Variants in NDRG3 observed in about 807,000 individuals in gnomAD.
NDRG3 encodes protein NDRG3.
NDRG3 carries 23 observed loss-of-function variants against 57.2 expected under a neutral mutation model. That is an observed-to-expected ratio of 0.40 (90% confidence interval 0.29 to 0.57). NDRG3 has a LOEUF of 0.57. Ranked by LOEUF, NDRG3 falls within the 20% of genes least tolerant of loss-of-function variation. The probability of loss-of-function intolerance (pLI) is 0.42; values close to 1 mark genes in which losing one functional copy is unlikely to be tolerated. For synonymous variants in NDRG3, 132 were observed against 162.6 expected (o/e 0.81, Z 1.43); for missense variants, 384 against 457.3 (o/e 0.84, Z 1.46).
intron 3 of NDRG3, among the ~76,000 whole-genome samples, chr20:36,706,390 T>C (rs1331864361): frequency 3.3e-5 from 5 of 152,234 alleles, no homozygotes; most frequent in Middle Eastern, 3.4e-3. Flanking sequence ...GTTTCCAATA[T>C]CATGTGAGGA....
At chr20:36,723,666 G>GTGTA (rs1984740568) in intron 1 of NDRG3, among the ~76,000 whole-genome samples, 1 of 149,410 alleles carries the variant, frequency 6.7e-6, no homozygotes, top group South Asian at 2.2e-4. Flanking sequence ...TCTAGTGTGT[G>GTGTA]TGTGTGTGTG....
At chr20:36,689,688 G>A (rs1285506411) in intron 3 of NDRG3, among the ~76,000 whole-genome samples, 1 of 151,414 alleles carries the variant, frequency 6.6e-6, no homozygotes, top group Non-Finnish European at 1.5e-5. Context: ...GCCCAGGCTG[G>A]GTCAGCACCT....
intron 1 of NDRG3, among the ~76,000 whole-genome samples, chr20:36,738,880 T>C (rs545352547): frequency 1.1e-4 from 17 of 148,638 alleles, no homozygotes; most frequent in Non-Finnish European, 1.9e-4. Flanking sequence ...TCCCAGCACT[T>C]TGGGAGGCCG....
intron 1 of NDRG3, among the ~76,000 whole-genome samples, chr20:36,731,164 T>C (rs1985264549): frequency 6.6e-6 from 1 of 152,046 alleles, no homozygotes; most frequent in Admixed American, 6.6e-5. Flanking sequence ...ATGAGTGAGG[T>C]AAGCCTCCAA....
intron 3 of NDRG3, among the ~76,000 whole-genome samples, chr20:36,704,530 G>A (rs1983434318): frequency 6.6e-6 from 1 of 151,830 alleles, no homozygotes; most frequent in African/African-American, 2.4e-5. Flanking sequence ...TTTCCTTCTT[G>A]GTAAATTATA....
At chr20:36,681,280 G>A (rs545982992) in intron 7 of NDRG3, among the ~76,000 whole-genome samples, 1 of 151,884 alleles carries the variant, frequency 6.6e-6, no homozygotes, top group South Asian at 2.1e-4. Flanking sequence ...GAAACCATCT[G>A]AACAGTCTGT....
intron 3 of NDRG3, among the ~76,000 whole-genome samples, chr20:36,703,616 T>A (rs949010974): frequency 8.5e-5 from 13 of 152,168 alleles, no homozygotes; most frequent in African/African-American, 3.1e-4. Flanking sequence ...GCTAATTTTT[T>A]ATTTTTTAAT....
At chr20:36,659,034 G>A (rs964735598) in intron 13 of NDRG3, among the ~76,000 whole-genome samples, 6 of 148,860 alleles carry the variant, frequency 4.0e-5, no homozygotes, top group African/African-American at 7.5e-5. Context: ...ACAAATCCTC[G>A]AATTCCTGGG....
intron 9 of NDRG3, among the ~76,000 whole-genome samples, chr20:36,669,086 C>T (rs1214483914): frequency 1.3e-5 from 2 of 150,180 alleles, no homozygotes; most frequent in African/African-American, 2.5e-5. Flanking sequence ...GACAGAGTTT[C>T]GCTCTTGTTG....
intron 4 of NDRG3, 80 bp downstream of exon 4, chr20:36,688,599 T>C (rs1218035571): frequency 3.8e-6 from 4 of 1,054,476 alleles, no homozygotes; most frequent in African/African-American, 3.1e-5. Flanking sequence ...TCTGCTCTAT[T>C]AGAATATTGT....
At chr20:36,669,742 C>T (rs1216646622) in intron 9 of NDRG3, among the ~76,000 whole-genome samples, 2 of 151,934 alleles carry the variant, frequency 1.3e-5, no homozygotes, top group African/African-American at 4.8e-5. Flanking sequence ...GGACTACAGG[C>T]ATACACCACC....
chr20:36,665,268 C>T lies in NDRG3; in HGVS notation c.726G>A (p.Leu242=). ...TTTTTGATTTGTTATCATTTTGGCC[C>T]AGTATGGGTCTTTCGATCTCCAGGT... ...RRDLEIERPI[L]GQNDNKSKTL... The change falls in exon 11 of 16, where the codon CTG becomes CTA. Residue 242 remains leucine (L), a synonymous_variant. Transcript: ENST00000349004. 6.2e-7 allele frequency: 1 copy of T among 1,614,158 alleles called. No individual in the cohort carries two copies. The highest frequency in any genetic ancestry group is 8.5e-7 in the Non-Finnish European group (1 of 1,180,014).
rs575813448 is a variant in NDRG3, at chr20:36,693,141, T to TACAC, written c.94-4361_94-4358dup. On this transcript the variant is annotated intron_variant, in intron 3 of 15. Coordinates refer to ENST00000349004, the MANE Select transcript of NDRG3 (RefSeq NM_032013.4). ...ATATATATATATATATATATATATATACACACACACACATATACACATATA... is the reference window on the plus strand; with the variant it reads ...ATATATATATATATATATATATATATACACACACACACACACATATACACATATA... Among the ~76,000 whole-genome samples the TACAC allele has an allele frequency of 4.5e-3, 156 of 34,602 alleles. 1 individual carries two copies. Among genetic ancestry groups the TACAC allele is most frequent in the African/African-American group, 0.014 (146 of 10,746 alleles). The allele number at this position is 34,602 out of a possible 152,430, so 22.7% of individuals were successfully genotyped here.
At chr20:36,711,116 T>TAAAA (rs577163182) in intron 2 of NDRG3, among the ~76,000 whole-genome samples, 1 of 113,640 alleles carries the variant, frequency 8.8e-6, no homozygotes, top group East Asian at 2.5e-4. Flanking sequence ...CCATCTCTAC[T>TAAAA]AAAAAAAAAA....
rs911394550 is a variant in NDRG3, at chr20:36,660,196, G to C, written c.858+141C>G. On this transcript the variant is annotated intron_variant, in intron 13 of 15. Transcript: ENST00000349004. ...GCACTCCAGCCAGGGCAACACAGCG[G>C]GACTCTGTCTCAAAGAAAAAGAAGA... The C allele has an allele frequency of 6.6e-6, 4 of 609,418 alleles. No homozygotes were observed. In the African/African-American group the frequency reaches 7.7e-5, roughly 12 times the overall value. The allele number at this position is 609,418 out of a possible 1,614,324, so 37.8% of individuals were successfully genotyped here. A position where few individuals can be genotyped will look rare whatever the true frequency, so the allele number is the denominator to read the frequency against.
chr20:36,656,289 G>T, intron 15 of NDRG3, 71 bp downstream of exon 15: 3 of 1,462,692 alleles, frequency 2.1e-6, no homozygotes, highest in Non-Finnish European at 2.8e-6. Context: ...AAGAATTGTG[G>T]GCTCCCAGAT....
At position 36,717,535 on chromosome 20, in the gene NDRG3, G is replaced by A. The variant is rs150317641; in HGVS notation, c.57+4144C>T. Among the ~76,000 whole-genome samples, 660 of 152,318 alleles carry A rather than the reference G, an allele frequency of 4.3e-3. 7 individuals carry two copies. Among genetic ancestry groups the A allele is most frequent in the African/African-American group, 0.015 (626 of 41,566 alleles). The stretch of plus-strand genomic sequence containing the variant: ...GAAACAGCTCAGGTTTTAAGAGTAG[G>A]AAAGACTTTGGTTTCTGTCTGGCTT... On this transcript the variant is annotated intron_variant, in intron 2 of 15. Coordinates refer to ENST00000349004, the MANE Select transcript of NDRG3 (RefSeq NM_032013.4).
chr20:36,666,734 T>C (rs185665447), intron 9 of NDRG3, among the ~76,000 whole-genome samples: 543 of 152,312 alleles, frequency 3.6e-3, no homozygotes, highest in Non-Finnish European at 4.8e-3. Flanking sequence ...TATTGTAAAA[T>C]GAAGACAATA....
intron 1 of NDRG3, among the ~76,000 whole-genome samples, chr20:36,733,163 AAAAAAAAAATATATATATATATAT>A (rs1310499881): frequency 1.8e-3 from 80 of 45,510 alleles, no homozygotes; most frequent in South Asian, 5.1e-3. Context: ...AAAAAAAAAA[AAAAAAAAAATATATATATATATAT>A]ATATATATAT....
Sources: allele counts gnomAD v4.1 joint callset (sites outside exome capture counted in the v4.1 genomes callset), GRCh38; gene constraint gnomAD v4.1.1; transcripts MANE v1.5; gene names NCBI Gene and HGNC (gene_info 2026-07-23, HGNC 2026-07-21).